The following LRRC71 variants were observed in gnomAD, a reference collection of about 807,000 sequenced individuals.
The protein encoded by LRRC71 is leucine-rich repeat-containing protein 71.
Under a neutral mutation model 66.6 loss-of-function variants are expected in LRRC71, and 54 were observed. The observed-to-expected ratio is 0.81, with a 90% CI of 0.65 to 1.02. LRRC71 has a LOEUF of 1.02. LRRC71 is among the 50% of genes least tolerant of loss of function. The pLI is 0.00. For synonymous variants in LRRC71, 323 were observed against 303.9 expected (o/e 1.06, Z -0.65); for missense variants, 724 against 718.0 (o/e 1.01, Z -0.10).
Position 156,923,097 on chromosome 1 carries a change from C to T in LRRC71, c.161-852C>T, listed in dbSNP as rs537955028. Among the ~76,000 whole-genome samples, 24 of 152,350 alleles carry T rather than the reference C, an allele frequency of 1.6e-4. No homozygotes were observed. The East Asian group carries it at 4.6e-3, about 29-fold the overall frequency. On this transcript the variant is annotated intron_variant, in intron 1 of 14. Transcript: ENST00000337428. ...ATGAACCCTCGAGCCTCTCTGCATC[C>T]TGCCAGCTCCTCCACTCCCTCAGGC...
chr1:156,936,497 A>AAAAAATATAT (rs370282821), downstream of LRRC71, among the ~76,000 whole-genome samples: 2 of 33,936 alleles, frequency 5.9e-5, no homozygotes, highest in South Asian at 1.6e-3. Context: ...AAAAAAAAAA[A>AAAAAATATAT]ATATATATAT....
At chr1:156,935,914 T>C (rs1654955476), downstream of LRRC71, 13 of 1,434,344 alleles carry the variant, frequency 9.1e-6, no homozygotes, top group Admixed American at 4.2e-5. Context: ...GGGAGGAGTG[T>C]TGGGATCCCC....
chr1:156,921,020 CCACTAGCTACT>C (rs1652279282), intron 1 of LRRC71, 57 bp downstream of exon 1: 1 of 1,444,972 alleles, frequency 6.9e-7, no homozygotes, highest in Non-Finnish European at 9.2e-7. Flanking sequence ...TCCCGGGTTC[CCACTAGCTACT>C]CACTGCTCCA....
downstream of LRRC71, among the ~76,000 whole-genome samples, chr1:156,934,529 GTA>G (rs1022529461): frequency 6.6e-6 from 1 of 151,834 alleles, no homozygotes; most frequent in Non-Finnish European, 1.5e-5. Context: ...ACATATATGT[GTA>G]TATATATGTG....
At position 156,933,014 on chromosome 1, in the gene LRRC71, A is replaced by T; in HGVS notation, c.*45A>T. On this transcript the variant is annotated 3_prime_UTR_variant, in exon 15 of 15. Coordinates refer to ENST00000337428, the MANE Select transcript of LRRC71 (RefSeq NM_144702.3). The stretch of plus-strand genomic sequence containing the variant: ...CTCTAAGACTCGGGGCTACAGAAGC[A>T]CCTCCTGTCCCTGTGTGGGGTGACC... The T allele has an allele frequency of 7.0e-7, 1 of 1,433,334 alleles. No homozygotes were observed. Among genetic ancestry groups the T allele is most frequent in the Non-Finnish European group, 9.6e-7 (1 of 1,042,936 alleles). 88.8% of individuals were successfully genotyped at this position (1,433,334 alleles called of 1,614,324 possible). A position where few individuals can be genotyped will look rare whatever the true frequency, so the allele number is the denominator to read the frequency against.
At position 156,929,671 on chromosome 1, in the gene LRRC71, G is replaced by A. The variant is rs747209312; in HGVS notation, c.1182G>A (p.Gly394=). Reference sequence around the variant, plus strand: ...AGAAAGAGGAGAAGTTGGGGTCTGGGCAGTCACCCACACAAGGAACCCCTA... The same window carrying A: ...AGAAAGAGGAGAAGTTGGGGTCTGGACAGTCACCCACACAAGGAACCCCTA... The part of the protein sequence containing the change: ...LAKKEEKLGS[G]QSPTQGTPKK... The change falls in exon 11 of 15, where the codon GGG becomes GGA. Residue 394 remains glycine (G), a synonymous_variant. Transcript: ENST00000337428. The A allele has an allele frequency of 1.3e-6, 2 of 1,586,892 alleles. No individual in the cohort carries two copies. The highest frequency in any genetic ancestry group is 1.2e-5 in the South Asian group (1 of 86,702).
chr1:156,928,363 C>CTCTTCTCCTTCTTCTTCTTCTTCT (rs1653596078), intron 9 of LRRC71, among the ~76,000 whole-genome samples: 1 of 98,784 alleles, frequency 1.0e-5, no homozygotes, highest in Admixed American at 1.1e-4. Flanking sequence ...CTTCTTCTTC[C>CTCTTCTCCTTCTTCTTCTTCTTCT]TCTTCTTCTT....
chr1:156,933,997 A>C (rs138377436), downstream of LRRC71, among the ~76,000 whole-genome samples: 132 of 152,298 alleles, frequency 8.7e-4, no homozygotes, highest in East Asian at 0.022. Flanking sequence ...TGACTGTCCC[A>C]GCTCTGTCTC....
chr1:156,924,910 G>T, intron 4 of LRRC71, 28 bp from the exon 5 acceptor site: 1 of 1,551,298 alleles, frequency 6.4e-7, no homozygotes, highest in Non-Finnish European at 8.7e-7. Flanking sequence ...CTCTAGCTCT[G>T]TGTTTCTGCA....
At position 156,931,977 on chromosome 1, in the gene LRRC71, G is replaced by A. The variant is rs1338319768; in HGVS notation, c.1391G>A (p.Gly464Glu). Residue 464 changes from glycine to glutamate, a missense_variant, in exon 13 of 15, where the codon GGG becomes GAG. Physicochemically the swap from Gly to Glu is moderately conservative, Grantham distance 98 (BLOSUM62 -2). Transcript: ENST00000337428. Reference sequence around the variant, plus strand: ...CTGGAGCCTGTGGAGCACCGAGATGGGAAAGTTTTCATGCCTGGGAACAAG... The same window carrying A: ...CTGGAGCCTGTGGAGCACCGAGATGAGAAAGTTTTCATGCCTGGGAACAAG... ...PLLEPVEHRD[G>E]KVFMPGNKVL... 6.9e-6 allele frequency: 11 copies of A among 1,601,904 alleles called. No individual in the cohort carries two copies. Among genetic ancestry groups the A allele is most frequent in the Non-Finnish European group, 9.4e-6 (11 of 1,174,174 alleles).
At chr1:156,932,397 A>G (rs1654507903) in intron 13 of LRRC71, 27 bp from the exon 14 acceptor site, 2 of 1,594,560 alleles carry the variant, frequency 1.3e-6, no homozygotes, top group Admixed American at 1.7e-5. Context: ...TGGTGCTAAG[A>G]GGCCACCTGT....
the LRRC71 span, chr1:156,939,762 C>T: frequency 1.2e-6 from 2 of 1,613,898 alleles, no homozygotes; most frequent in African/African-American, 1.3e-5. Flanking sequence ...GGGGTGCTTG[C>T]CCTGGGGAGC....
At chr1:156,936,427 T>C (rs1442157062), downstream of LRRC71, among the ~76,000 whole-genome samples, 8 of 135,916 alleles carry the variant, frequency 5.9e-5, no homozygotes. Context: ...GGCCCAGGAG[T>C]TTGAGACCAG....
chr1:156,930,679 AC>A, intron 12 of LRRC71, 62 bp downstream of exon 12: 1 of 1,446,454 alleles, frequency 6.9e-7, no homozygotes, highest in Non-Finnish European at 9.5e-7. Flanking sequence ...CTTGCCTGAG[AC>A]GTCTCACCCC....
rs972739031 is a variant in LRRC71 at position 156,920,707 on chromosome 1, T to A, written c.-97T>A. ...CCGGTCCCTGGACGCGGAACAGAGATCCCCTGATTCAGCCACCCCCAGACT... is the reference window on the plus strand; with the variant it reads ...CCGGTCCCTGGACGCGGAACAGAGAACCCCTGATTCAGCCACCCCCAGACT... On this transcript the variant is annotated 5_prime_UTR_variant, in exon 1 of 15. Coordinates refer to ENST00000337428, the MANE Select transcript of LRRC71 (RefSeq NM_144702.3). The surrounding 1 kb of genome is among the most constrained non-coding windows in gnomAD (Gnocchi z 4.9). The A allele has an allele frequency of 3.8e-6, 5 of 1,310,020 alleles. No individual in the cohort carries two copies. Among genetic ancestry groups the A allele is most frequent in the Non-Finnish European group, 4.9e-6 (5 of 1,016,474 alleles). The allele number at this position is 1,310,020 out of a possible 1,614,324, so 81.1% of individuals were successfully genotyped here. A position where few individuals can be genotyped will look rare whatever the true frequency, so the allele number is the denominator to read the frequency against.
rs1403295339 is a variant in LRRC71 at position 156,929,341 on chromosome 1, T to C, written c.1058T>C (p.Ile353Thr). 1.2e-6 allele frequency: 2 copies of C among 1,613,170 alleles called. No homozygotes were observed. Among genetic ancestry groups the C allele is most frequent in the East Asian group, 4.5e-5 (2 of 44,844 alleles). ...CGTGAGAAGAGTCAGATGGTAGGGA[T>C]CAGCAATAGTGCATTGGTGGACAAG... Reference protein sequence around the residue: ...TDREKSQMVGISNSALVDKTD... With the variant: ...TDREKSQMVGTSNSALVDKTD... Residue 353 changes from isoleucine (I) to threonine (T), a missense_variant, in exon 10 of 15, where the codon ATC becomes ACC. By Grantham distance (89) the Ile-to-Thr change is moderately conservative. Transcript: ENST00000337428.
intron 12 of LRRC71, among the ~76,000 whole-genome samples, 181 bp downstream of exon 12, chr1:156,930,798 T>TAG (rs1044341200): frequency 6.6e-6 from 1 of 152,178 alleles, no homozygotes; most frequent in Non-Finnish European, 1.5e-5. Flanking sequence ...CCCTCCCATC[T>TAG]CACCTTGGGC....
At chr1:156,936,827 C>A, downstream of LRRC71, 1 of 1,613,706 alleles carries the variant, frequency 6.2e-7, no homozygotes, top group South Asian at 1.1e-5. Context: ...ATCCTCAGGG[C>A]AGGGCCCCAG....
downstream of LRRC71, chr1:156,937,643 T>C: frequency 2.5e-6 from 2 of 813,950 alleles, no homozygotes; most frequent in Admixed American, 3.2e-5. Context: ...CCTTGCTCAC[T>C]GTCTGCCAGC....
Sources: allele counts gnomAD v4.1 joint callset (sites outside exome capture counted in the v4.1 genomes callset), GRCh38; gene constraint gnomAD v4.1.1; non-coding constraint Gnocchi (gnomAD v3.1); transcripts MANE v1.5; gene names NCBI Gene and HGNC (gene_info 2026-07-23, HGNC 2026-07-21).